The following CRYM variants were observed in gnomAD, a reference collection of about 807,000 sequenced individuals.
The protein encoded by CRYM is crystallin mu.
A neutral mutation model predicts 32.9 loss-of-function variants in CRYM; 18 were observed. The observed-to-expected ratio is 0.55, with a 90% CI of 0.38 to 0.81. The LOEUF is 0.81. Ranked by LOEUF, CRYM falls within the 30% of genes least tolerant of loss-of-function variation. The probability of loss-of-function intolerance (pLI) is 0.00; values close to 1 mark genes in which losing one functional copy is unlikely to be tolerated. For synonymous variants in CRYM, 153 were observed against 152.4 expected (o/e 1.00, Z -0.03); for missense variants, 337 against 393.5 (o/e 0.86, Z 1.21).
chr16:21,299,716 T>C (rs1355462288), intron 1 of CRYM, among the ~76,000 whole-genome samples: 1 of 152,222 alleles, frequency 6.6e-6, no homozygotes, highest in East Asian at 1.9e-4. Context: ...GACTAGTTCA[T>C]GAGGAATAAA....
rs143043910 is a variant in CRYM at position 21,286,490 on chromosome 16, T to G, written c.-192-7530A>C. Among the ~76,000 whole-genome samples the G allele has an allele frequency of 4.5e-3, 679 of 150,782 alleles. 5 individuals carry two copies. Among genetic ancestry groups the G allele is most frequent in the African/African-American group, 0.016 (644 of 41,092 alleles). On this transcript the variant is annotated intron_variant, in intron 1 of 9. Coordinates refer to the CRYM transcript ENST00000219599. ...GACCCACCCGCCTCGGCCTCCCAAATTGCTGGAATTACAGGCATGAGCCAC... is the reference window on the plus strand; with the variant it reads ...GACCCACCCGCCTCGGCCTCCCAAAGTGCTGGAATTACAGGCATGAGCCAC...
chr16:21,266,790 A>G (rs2093364531), intron 5 of CRYM, among the ~76,000 whole-genome samples: 1 of 152,116 alleles, frequency 6.6e-6, no homozygotes, highest in South Asian at 2.1e-4. Flanking sequence ...AGAGTGCTTG[A>G]GGCCAGGAGT....
At chr16:21,270,737 G>C (rs932391408) in intron 3 of CRYM, among the ~76,000 whole-genome samples, 2 of 152,072 alleles carry the variant, frequency 1.3e-5, no homozygotes, top group Admixed American at 1.3e-4. Context: ...TGGATTCTGT[G>C]AGCCCTTCCT....
chr16:21,280,141 A>G (rs2093395670), upstream of CRYM, among the ~76,000 whole-genome samples: 1 of 152,168 alleles, frequency 6.6e-6, no homozygotes, highest in Non-Finnish European at 1.5e-5. Context: ...GCACTTTGGG[A>G]GGCCCAAGTG....
intron 1 of CRYM, among the ~76,000 whole-genome samples, chr16:21,287,622 A>G (rs1398251228): frequency 2.0e-5 from 3 of 152,220 alleles, no homozygotes; most frequent in African/African-American, 7.2e-5. Flanking sequence ...TTCAGTCACC[A>G]AAGGCCATTG....
chr16:21,296,129 G>A (rs1386080887), intron 1 of CRYM, among the ~76,000 whole-genome samples: 1 of 152,086 alleles, frequency 6.6e-6, no homozygotes, highest in Non-Finnish European at 1.5e-5. Flanking sequence ...GTAGAGACAG[G>A]GTTTCACCAT....
chr16:21,290,154 C>T (rs748099760), intron 1 of CRYM, among the ~76,000 whole-genome samples: 6 of 152,140 alleles, frequency 3.9e-5, no homozygotes, highest in Non-Finnish European at 5.9e-5. Context: ...GTGGCAATGT[C>T]GGATCCCCTT....
chr16:21,300,756 G>A (rs1038991744), intron 1 of CRYM: 2 of 152,260 alleles, frequency 1.3e-5, no homozygotes, highest in African/African-American at 4.8e-5. Context: ...TTCGGAGCTG[G>A]AGCAAGTCGT....
upstream of CRYM, among the ~76,000 whole-genome samples, chr16:21,281,417 G>A (rs1234129943): frequency 6.6e-6 from 1 of 151,914 alleles, no homozygotes; most frequent in Non-Finnish European, 1.5e-5. Flanking sequence ...TAGAGATGGG[G>A]TTTTGTCATG....
chr16:21,287,480 C>G (rs969086402), intron 1 of CRYM, among the ~76,000 whole-genome samples: 4 of 151,960 alleles, frequency 2.6e-5, no homozygotes, highest in Non-Finnish European at 5.9e-5. Flanking sequence ...ATAAAGTGAC[C>G]CCAGGAAGGC....
chr16:21,269,766 T>TTCC, intron 4 of CRYM, 24 bp downstream of exon 4: 77 of 690,436 alleles, frequency 1.1e-4, no homozygotes, highest in South Asian at 2.4e-4. Context: ...CCCTCTTCTC[T>TTCC]CCCACCCCCA....
rs201883997 is a variant in CRYM, at chr16:21,262,031, C to A, written c.795+6G>T. The A allele has an allele frequency of 3.1e-6, 5 of 1,613,672 alleles. No homozygotes were observed. On this transcript the variant is annotated splice_donor_region_variant and intron_variant, in intron 6 of 7. Coordinates refer to ENST00000572914, the MANE Select transcript of CRYM (RefSeq NM_001376256.1). Reference sequence around the variant, plus strand: ...GCAGCCCTGACTGGGGTCAGAAGGGCCTCACCCCTGACAGCAGGACATCTC... The same window carrying A: ...GCAGCCCTGACTGGGGTCAGAAGGGACTCACCCCTGACAGCAGGACATCTC...
chr16:21,293,924 T>C (rs3912445), intron 1 of CRYM, among the ~76,000 whole-genome samples: 1 of 152,132 alleles, frequency 6.6e-6, no homozygotes, highest in South Asian at 2.1e-4. Flanking sequence ...TGATGAAAAT[T>C]CCTGTCCCTC....
intron 5 of CRYM, among the ~76,000 whole-genome samples, chr16:21,265,533 T>C (rs1339391387): frequency 6.6e-6 from 1 of 152,216 alleles, no homozygotes; most frequent in Non-Finnish European, 1.5e-5. Flanking sequence ...CTAGTTCCTC[T>C]ATGTGTTTGT....
At chr16:21,284,789 A>C (rs974646981) in intron 1 of CRYM, among the ~76,000 whole-genome samples, 15 of 152,234 alleles carry the variant, frequency 9.9e-5, no homozygotes, top group African/African-American at 3.6e-4. Context: ...TCCTTTGCGT[A>C]TATACCTAGT....
chr16:21,272,816 A>ATTTTT (rs60416570), intron 3 of CRYM, among the ~76,000 whole-genome samples: 2 of 42,316 alleles, frequency 4.7e-5, no homozygotes, highest in Admixed American at 3.4e-4. Context: ...TGCCCAGCTA[A>ATTTTT]TTTTTTTTTT....
In CRYM at chr16:21,297,613, A is replaced by G. The variant is rs571272302; in HGVS notation, c.-193+5365T>C. ...TGATAAAATATAACATAATTGATAC[A>G]TATTTTAAAAATGCATAAATGTTTC... On this transcript the variant is annotated intron_variant, in intron 1 of 9. Coordinates refer to the CRYM transcript ENST00000219599. Among the ~76,000 whole-genome samples the G allele has an allele frequency of 3.3e-3, 501 of 152,354 alleles. 1 individual carries two copies. The highest frequency in any genetic ancestry group is 5.2e-3 in the Non-Finnish European group (355 of 68,042).
chr16:21,293,655 A>G, intron 1 of CRYM, among the ~76,000 whole-genome samples: 1 of 152,240 alleles, frequency 6.6e-6, no homozygotes, highest in African/African-American at 2.4e-5. Flanking sequence ...AAATAAGGAC[A>G]TGTCCAGCAT....
intron 4 of CRYM, 38 bp downstream of exon 4, chr16:21,269,752 C>T (rs2272559): frequency 9.3e-7 from 1 of 1,076,434 alleles, no homozygotes; most frequent in South Asian, 1.2e-5. Flanking sequence ...AGGACCACCC[C>T]CTTCCCTCTT....
Sources: allele counts gnomAD v4.1 joint callset (sites outside exome capture counted in the v4.1 genomes callset), GRCh38; gene constraint gnomAD v4.1.1; transcripts MANE v1.5; gene names NCBI Gene and HGNC (gene_info 2026-07-23, HGNC 2026-07-21).